NAALADL2: variants seen among roughly 807,000 people sequenced by gnomAD.
The protein encoded by NAALADL2 is inactive N-acetylated-alpha-linked acidic dipeptidase-like protein 2.
NAALADL2 carries 76 observed loss-of-function variants against 87.2 expected under a neutral mutation model. That is an observed-to-expected ratio of 0.87 (90% CI 0.72 to 1.05). The LOEUF (loss-of-function observed/expected upper bound fraction) is 1.05, where lower values mean the gene tolerates loss of function less well. NAALADL2 is among the 50% of genes least tolerant of loss of function. NAALADL2 has a pLI of 0.00. For synonymous variants in NAALADL2, 354 were observed against 331.0 expected, an observed-to-expected ratio of 1.07 and a Z score of -0.75; for missense variants, 1,089 against 945.8, an observed-to-expected ratio of 1.15 and a Z score of -1.99.
intron 1 of NAALADL2, among the ~76,000 whole-genome samples, chr3:175,014,282 A>G (rs1272038317): frequency 6.6e-6 from 1 of 151,966 alleles, no homozygotes; most frequent in Non-Finnish European, 1.5e-5. Context: ...ACTCTCTTAT[A>G]TCCTTGCTTC....
chr3:174,570,721 G>A (rs191315572), intron 2 of NAALADL2, among the ~76,000 whole-genome samples: 1 of 152,094 alleles, frequency 6.6e-6, no homozygotes, highest in African/African-American at 2.4e-5. Flanking sequence ...CAAATCTGCT[G>A]TAAAGATAAC....
intron 3 of NAALADL2, among the ~76,000 whole-genome samples, chr3:174,841,228 A>T (rs186555900): frequency 5.3e-5 from 8 of 152,238 alleles, no homozygotes; most frequent in Non-Finnish European, 1.0e-4. Context: ...AAACCAAACC[A>T]CTTAGTGTTA....
intron 9 of NAALADL2, among the ~76,000 whole-genome samples, chr3:175,544,411 G>A (rs1310189847): frequency 6.6e-6 from 1 of 152,092 alleles, no homozygotes; most frequent in African/African-American, 2.4e-5. Context: ...TGATAGAGAT[G>A]GTCTCGGTTT....
chr3:174,700,504 T>A (rs901856134), intron 2 of NAALADL2, among the ~76,000 whole-genome samples: 1 of 152,158 alleles, frequency 6.6e-6, no homozygotes, highest in Non-Finnish European at 1.5e-5. Flanking sequence ...GAAAACAACC[T>A]ACCTGTTAGC....
chr3:174,494,037 T>C (rs1480078693), intron 1 of NAALADL2, among the ~76,000 whole-genome samples: 1 of 152,196 alleles, frequency 6.6e-6, no homozygotes, highest in Non-Finnish European at 1.5e-5. Flanking sequence ...TTATCTTCTA[T>C]GCCAGGTGGA....
chr3:175,128,922 C>A (rs1057264999), intron 2 of NAALADL2, among the ~76,000 whole-genome samples: 1 of 151,510 alleles, frequency 6.6e-6, no homozygotes, highest in African/African-American at 2.4e-5. Flanking sequence ...GTACTAGTTA[C>A]CAATTTTTTT....
intron 10 of NAALADL2, among the ~76,000 whole-genome samples, chr3:175,602,623 T>A (rs2149643618): frequency 6.6e-6 from 1 of 152,202 alleles, no homozygotes; most frequent in African/African-American, 2.4e-5. Context: ...TGATAATTGA[T>A]CTAGACTTTA....
intron 1 of NAALADL2, among the ~76,000 whole-genome samples, chr3:174,893,362 C>T (rs573129197): frequency 1.3e-5 from 2 of 150,024 alleles, no homozygotes; most frequent in Admixed American, 6.6e-5. Flanking sequence ...CCTGAAGGTA[C>T]AAAACTTGTA....
chr3:175,213,231 T>C (rs1423957635), intron 2 of NAALADL2, among the ~76,000 whole-genome samples: 2 of 152,016 alleles, frequency 1.3e-5, no homozygotes, highest in East Asian at 1.9e-4. Context: ...AATCATCCAA[T>C]AGGTGGGAGT....
intron 2 of NAALADL2, among the ~76,000 whole-genome samples, chr3:175,148,085 G>GATGATAATA (rs796418262): frequency 9.1e-6 from 1 of 110,340 alleles, no homozygotes; most frequent in Non-Finnish European, 2.0e-5. Context: ...TAATAATAAT[G>GATGATAATA]ATAATGATAA....
Position 175,354,881 on chromosome 3 carries a change from TAC to T in NAALADL2, c.1090+30578_1090+30579del, listed in dbSNP as rs142110969. 5.7e-3 allele frequency among the ~76,000 whole-genome samples: 836 copies of T among 146,850 alleles called. 6 individuals carry two copies. The highest frequency in any genetic ancestry group is 9.5e-3 in the African/African-American group (381 of 40,084). ...CTATACATACATACATACATATATA[TAC>T]ACACACACACACACACACACATATA... On this transcript the variant is annotated intron_variant, in intron 5 of 13. Coordinates refer to ENST00000454872, the MANE Select transcript of NAALADL2 (RefSeq NM_207015.3).
Position 175,059,860 on chromosome 3 carries a change from C to G in NAALADL2, c.44-36930C>G, listed in dbSNP as rs1032745064. On this transcript the variant is annotated intron_variant, in intron 1 of 13. Coordinates refer to ENST00000454872, the MANE Select transcript of NAALADL2 (RefSeq NM_207015.3). The stretch of plus-strand genomic sequence containing the variant: ...TTTCTTTTCATGAGAATTGATGTGA[C>G]TTTACCAACATAGGGCAAGACACGA... The G allele has an allele frequency of 1.5e-5, 5 of 327,048 alleles. No individual in the cohort carries two copies. The East Asian group carries it at 4.8e-4, about 31-fold the overall frequency. The allele number at this position is 327,048 out of a possible 1,614,324, so 20.3% of individuals were successfully genotyped here.
At chr3:174,734,500 G>C (rs549828167) in intron 2 of NAALADL2, among the ~76,000 whole-genome samples, 1 of 152,234 alleles carries the variant, frequency 6.6e-6, no homozygotes, top group Admixed American at 6.5e-5. Flanking sequence ...TCTCCTTCTT[G>C]TCAGGTTCTT....
At chr3:175,697,651 A>T (rs1236519230) in intron 11 of NAALADL2, among the ~76,000 whole-genome samples, 1 of 151,274 alleles carries the variant, frequency 6.6e-6, no homozygotes, top group Non-Finnish European at 1.5e-5. Flanking sequence ...TCATAATCTC[A>T]TACATTATGA....
chr3:175,641,236 T>C (rs1729246864), intron 11 of NAALADL2, among the ~76,000 whole-genome samples: 2 of 152,214 alleles, frequency 1.3e-5, no homozygotes, highest in Admixed American at 1.3e-4. Flanking sequence ...TTCCTGGAGA[T>C]GCTTTATAAA....
At chr3:175,496,625 G>A (rs1487502964) in intron 9 of NAALADL2, among the ~76,000 whole-genome samples, 1 of 152,066 alleles carries the variant, frequency 6.6e-6, no homozygotes, top group African/African-American at 2.4e-5. Context: ...TGCTATCACA[G>A]CTCACTGCAG....
At chr3:175,313,279 A>T (rs1758615697) in intron 4 of NAALADL2, among the ~76,000 whole-genome samples, 1 of 152,124 alleles carries the variant, frequency 6.6e-6, no homozygotes, top group Non-Finnish European at 1.5e-5. Context: ...ACTTCAACAT[A>T]TGCATTTTGA....
intron 1 of NAALADL2, among the ~76,000 whole-genome samples, chr3:174,882,603 A>ATGTGCATATG (rs1729410884): frequency 7.4e-6 from 1 of 134,870 alleles, no homozygotes; most frequent in Non-Finnish European, 1.5e-5. Context: ...ATATACACAT[A>ATGTGCATATG]CATATATGTG....
intron 2 of NAALADL2, among the ~76,000 whole-genome samples, chr3:174,675,573 A>AAC (rs1257090389): frequency 1.3e-5 from 2 of 152,082 alleles, no homozygotes; most frequent in Non-Finnish European, 1.5e-5. Context: ...AGCCAACCAG[A>AAC]ACAGACTGTT....
Sources: gnomAD v4.1 joint callset for allele counts (sites outside exome capture counted in the v4.1 genomes callset) on GRCh38, gnomAD v4.1.1 for gene constraint, MANE v1.5 for transcripts, NCBI Gene and HGNC (gene_info 2026-07-23, HGNC 2026-07-21) for gene names.